PTPRM: variants seen among roughly 807,000 people sequenced by gnomAD.
PTPRM encodes the protein protein tyrosine phosphatase receptor type M, also known as receptor-type tyrosine-protein phosphatase mu.
PTPRM carries 47 observed loss-of-function variants against 186.7 expected under a neutral mutation model. The observed-to-expected ratio is 0.25, with a 90% CI of 0.20 to 0.32. PTPRM has a LOEUF of 0.32. PTPRM is among the 10% of genes least tolerant of loss of function. The pLI, the probability that PTPRM is intolerant of heterozygous loss-of-function variation, is 1.00. For missense variants in PTPRM, 1,494 were observed against 1,865.0 expected, an observed-to-expected ratio of 0.80 and a Z score of 3.66; for synonymous variants, 668 against 674.9, an observed-to-expected ratio of 0.99 and a Z score of 0.16.
At chr18:7,869,605 CT>C (rs2047886569) in intron 2 of PTPRM, among the ~76,000 whole-genome samples, 3 of 152,280 alleles carry the variant, frequency 2.0e-5, no homozygotes, top group Admixed American at 2.0e-4. Context: ...CTGTGTTGAT[CT>C]CGCTGGAAGC....
chr18:7,824,746 G>T (rs1001245912), intron 2 of PTPRM, among the ~76,000 whole-genome samples: 19 of 152,092 alleles, frequency 1.2e-4, no homozygotes, highest in Non-Finnish European at 2.9e-5. Flanking sequence ...TTTCTTCTGG[G>T]ATGTGGTAAA....
intron 7 of PTPRM, among the ~76,000 whole-genome samples, chr18:8,010,303 C>T (rs780060615): frequency 3.0e-4 from 45 of 152,160 alleles, no homozygotes; most frequent in Non-Finnish European, 5.7e-4. Flanking sequence ...CAAAAGCCTT[C>T]GGTGACTTTT....
At chr18:8,281,136 C>G (rs1304012931) in intron 19 of PTPRM, among the ~76,000 whole-genome samples, 1 of 152,228 alleles carries the variant, frequency 6.6e-6, no homozygotes, top group East Asian at 1.9e-4. Context: ...CCCACAGCAA[C>G]TGGAACGCAG....
At chr18:8,258,258 G>A (rs574255440) in intron 19 of PTPRM, among the ~76,000 whole-genome samples, 1 of 152,236 alleles carries the variant, frequency 6.6e-6, no homozygotes, top group East Asian at 1.9e-4. Context: ...CCTCTGGGGG[G>A]AACCTTTGGG....
intron 1 of PTPRM, among the ~76,000 whole-genome samples, chr18:7,701,172 C>T (rs576117025): frequency 6.3e-4 from 95 of 151,466 alleles, no homozygotes; most frequent in African/African-American, 2.0e-3. Context: ...GGCATGGTGG[C>T]ATGTGCCTGT....
At position 7,830,020 on chromosome 18, in the gene PTPRM, A is replaced by G. The variant is rs533897910; in HGVS notation, c.196+55749A>G. ...TCTAATTAACTTAGAGCCAAATGGCATACCTCCTTTCTCACAACTCTTATG... is the reference window on the plus strand; with the variant it reads ...TCTAATTAACTTAGAGCCAAATGGCGTACCTCCTTTCTCACAACTCTTATG... On this transcript the variant is annotated intron_variant, in intron 2 of 32. Transcript: ENST00000580170. 3.3e-5 allele frequency among the ~76,000 whole-genome samples: 5 copies of G among 152,350 alleles called. No homozygotes were observed. The South Asian group carries it at 1.0e-3, about 32-fold the overall frequency.
chr18:8,150,471 C>A (rs1423462155), intron 14 of PTPRM, among the ~76,000 whole-genome samples: 1 of 152,064 alleles, frequency 6.6e-6, no homozygotes, highest in Admixed American at 6.5e-5. Flanking sequence ...TCACAAAGTT[C>A]TCGTGCTGTG....
chr18:8,321,947 T>G (rs2095348362), intron 22 of PTPRM, among the ~76,000 whole-genome samples: 1 of 152,130 alleles, frequency 6.6e-6, no homozygotes. Flanking sequence ...CTAATTGGCA[T>G]GGACAGGTAG....
intron 28 of PTPRM, 141 bp downstream of exon 28, chr18:8,379,481 T>G (rs1466512058): frequency 1.1e-6 from 1 of 933,922 alleles, no homozygotes; most frequent in Non-Finnish European, 1.5e-6. Flanking sequence ...AAAATAGATT[T>G]CAGATTCCAC....
chr18:8,107,047 A>G (rs1385179766), intron 11 of PTPRM, among the ~76,000 whole-genome samples: 1 of 152,226 alleles, frequency 6.6e-6, no homozygotes, highest in Non-Finnish European at 1.5e-5. Context: ...TGTGGCTTTG[A>G]TAGTATTCTC....
At chr18:7,986,970 G>GAT (rs2082997184) in intron 7 of PTPRM, among the ~76,000 whole-genome samples, 1 of 152,200 alleles carries the variant, frequency 6.6e-6, no homozygotes, top group African/African-American at 2.4e-5. Flanking sequence ...CAAGGAGACA[G>GAT]ATCCCAGTAG....
intron 13 of PTPRM, among the ~76,000 whole-genome samples, chr18:8,138,201 CT>C (rs1216487639): frequency 1.0e-5 from 1 of 98,412 alleles, no homozygotes; most frequent in African/African-American, 3.4e-5. Context: ...GGATCACCCC[CT>C]ACCTTTTTTT....
chr18:7,983,353 C>T (rs563713946), intron 7 of PTPRM, among the ~76,000 whole-genome samples: 4 of 152,082 alleles, frequency 2.6e-5, no homozygotes, highest in African/African-American at 7.2e-5. Flanking sequence ...GCTATCCCCC[C>T]AACCTGGTTA....
At chr18:7,885,249 T>G (rs1488591871) in intron 2 of PTPRM, among the ~76,000 whole-genome samples, 1 of 152,192 alleles carries the variant, frequency 6.6e-6, no homozygotes, top group Admixed American at 6.5e-5. Context: ...GTTTGTCTTC[T>G]TCATCAGTCC....
At chr18:8,202,770 C>T (rs1242192112) in intron 14 of PTPRM, among the ~76,000 whole-genome samples, 1 of 152,108 alleles carries the variant, frequency 6.6e-6, no homozygotes, top group Non-Finnish European at 1.5e-5. Flanking sequence ...GACTCTGTCT[C>T]GATTGTCCTG....
intron 14 of PTPRM, among the ~76,000 whole-genome samples, chr18:8,215,524 T>TTTTC (rs1225339897): frequency 1.2e-4 from 18 of 151,050 alleles, no homozygotes; most frequent in African/African-American, 2.2e-4. Flanking sequence ...TAGTGCTTTT[T>TTTTC]TTTCTTTCTT....
At chr18:7,870,909 A>G (rs1020082661) in intron 2 of PTPRM, among the ~76,000 whole-genome samples, 5 of 152,306 alleles carry the variant, frequency 3.3e-5, no homozygotes, top group Middle Eastern at 3.4e-3. Flanking sequence ...GTAGCTTTCA[A>G]ACTCCAACAA....
chr18:7,643,295 TG>T (rs1483530069), intron 1 of PTPRM, among the ~76,000 whole-genome samples: 2 of 152,128 alleles, frequency 1.3e-5, no homozygotes, highest in African/African-American at 4.8e-5. Context: ...GAAAAACCTA[TG>T]TTTCTTAAGG....
intron 10 of PTPRM, 130 bp downstream of exon 10, chr18:8,086,002 A>G: frequency 1.2e-6 from 1 of 833,462 alleles, no homozygotes; most frequent in Non-Finnish European, 1.9e-6. Flanking sequence ...GGATGCCTGA[A>G]GCTCAGACTC....
Sources: allele counts gnomAD v4.1 joint callset (sites outside exome capture counted in the v4.1 genomes callset), GRCh38; gene constraint gnomAD v4.1.1; transcripts MANE v1.5; gene names NCBI Gene and HGNC (gene_info 2026-07-23, HGNC 2026-07-21).